HS6ST3: variants seen among roughly 807,000 people sequenced by gnomAD.
HS6ST3 encodes heparan sulfate 6-O-sulfotransferase 3.
Under a neutral mutation model 36.7 loss-of-function variants are expected in HS6ST3, and 12 were observed. The observed-to-expected ratio is 0.33, with a 90% confidence interval of 0.21 to 0.53. HS6ST3 has a LOEUF of 0.53. Among genes scored for constraint, HS6ST3 ranks in the 20% least tolerant of loss-of-function variants. The probability of loss-of-function intolerance (pLI) is 0.95; values close to 1 mark genes in which losing one functional copy is unlikely to be tolerated. For missense variants in HS6ST3, 584 were observed against 640.9 expected (o/e 0.91, Z 0.96); for synonymous variants, 240 against 257.5 (o/e 0.93, Z 0.65).
chr13:96,474,230 G>A (rs560485046), intron 1 of HS6ST3, among the ~76,000 whole-genome samples: 4 of 152,252 alleles, frequency 2.6e-5, no homozygotes, highest in South Asian at 4.2e-4. Context: ...TACTGAGAGT[G>A]ACAGTTTCTT....
At chr13:96,186,356 T>C (rs2054265146) in intron 1 of HS6ST3, among the ~76,000 whole-genome samples, 1 of 152,232 alleles carries the variant, frequency 6.6e-6, no homozygotes, top group Admixed American at 6.5e-5. Context: ...TCTCCTCTAC[T>C]GGCAGAAATT....
At chr13:96,526,225 G>C (rs201600785) in intron 1 of HS6ST3, among the ~76,000 whole-genome samples, 1 of 152,176 alleles carries the variant, frequency 6.6e-6, no homozygotes, top group South Asian at 2.1e-4. Flanking sequence ...GGGGACACAG[G>C]TCCCAATCAC....
chr13:96,363,505 A>G (rs2139436947), intron 1 of HS6ST3, among the ~76,000 whole-genome samples: 1 of 152,304 alleles, frequency 6.6e-6, no homozygotes, highest in South Asian at 2.1e-4. Context: ...CATAACAAAA[A>G]ACACTAATTT....
intron 1 of HS6ST3, among the ~76,000 whole-genome samples, chr13:96,805,288 A>C (rs975180112): frequency 3.9e-5 from 6 of 152,006 alleles, no homozygotes; most frequent in Non-Finnish European, 7.4e-5. Flanking sequence ...TTGCCACAAG[A>C]TCTGGTTGTT....
intron 1 of HS6ST3, among the ~76,000 whole-genome samples, chr13:96,686,238 CA>C (rs1260020547): frequency 2.0e-5 from 3 of 151,974 alleles, no homozygotes; most frequent in African/African-American, 7.2e-5. Context: ...GATGACCTTT[CA>C]AGCCAAGAAA....
intron 1 of HS6ST3, among the ~76,000 whole-genome samples, chr13:96,482,104 AT>A (rs2055892665): frequency 6.6e-6 from 1 of 152,196 alleles, no homozygotes; most frequent in African/African-American, 2.4e-5. Context: ...CTCCATGCTT[AT>A]CCTCAGGTAT....
chr13:96,500,539 G>C (rs539237310), intron 1 of HS6ST3, among the ~76,000 whole-genome samples: 8 of 152,230 alleles, frequency 5.3e-5, no homozygotes, highest in Admixed American at 2.0e-4. Flanking sequence ...AAGTTAGTAG[G>C]CTGTTGCAAT....
intron 1 of HS6ST3, among the ~76,000 whole-genome samples, chr13:96,805,729 G>C (rs1467012416): frequency 6.6e-6 from 1 of 152,186 alleles, no homozygotes; most frequent in Admixed American, 6.5e-5. Context: ...AAAGGAAATA[G>C]AATATGGAGC....
At chr13:96,620,745 A>G (rs1295439795) in intron 1 of HS6ST3, among the ~76,000 whole-genome samples, 1 of 151,990 alleles carries the variant, frequency 6.6e-6, no homozygotes, top group East Asian at 1.9e-4. Context: ...CTTGATTAAA[A>G]AGAAATCTAA....
chr13:96,451,809 A>T (rs1235064540), intron 1 of HS6ST3, among the ~76,000 whole-genome samples: 1 of 152,238 alleles, frequency 6.6e-6, no homozygotes, highest in Admixed American at 6.5e-5. Context: ...TTAAATGTAC[A>T]GAAAAGGAAA....
At chr13:96,624,445 T>G (rs1170336826) in intron 1 of HS6ST3, among the ~76,000 whole-genome samples, 1 of 152,226 alleles carries the variant, frequency 6.6e-6, no homozygotes, top group Non-Finnish European at 1.5e-5. Flanking sequence ...AACTCACATT[T>G]TTTTCAATTT....
Position 96,577,552 on chromosome 13 carries a change from T to A in HS6ST3, c.708-254938T>A, listed in dbSNP as rs184972253. On this transcript the variant is annotated intron_variant, in intron 1 of 1. Transcript: ENST00000376705. ...TATACCCAGTAATGGGATTGCTGGGTCAAATGGTATTTCTGGTTCCAGATT... is the reference window on the plus strand; with the variant it reads ...TATACCCAGTAATGGGATTGCTGGGACAAATGGTATTTCTGGTTCCAGATT... Among the ~76,000 whole-genome samples the A allele has an allele frequency of 3.4e-3, 516 of 152,268 alleles. 2 individuals are homozygous for A. The highest frequency in any genetic ancestry group is 6.4e-3 in the Non-Finnish European group (436 of 68,014).
intron 1 of HS6ST3, among the ~76,000 whole-genome samples, chr13:96,108,682 A>G (rs2139298863): frequency 6.6e-6 from 1 of 152,324 alleles, no homozygotes; most frequent in East Asian, 1.9e-4. Flanking sequence ...ATAGAAAAGA[A>G]CCCATGTTAA....
At chr13:96,176,742 C>A (rs1164890447) in intron 1 of HS6ST3, among the ~76,000 whole-genome samples, 1 of 152,032 alleles carries the variant, frequency 6.6e-6, no homozygotes, top group Non-Finnish European at 1.5e-5. Flanking sequence ...TGGAAAGAAG[C>A]AATTGCAACA....
rs1009158996 is a variant in HS6ST3 at position 96,532,259 on chromosome 13, A to G, written c.708-300231A>G. The stretch of plus-strand genomic sequence containing the variant: ...AAAAGAGAGAAACATTGTTTATTCC[A>G]TGTATACATTATTCTGTTTAATCCC... On this transcript the variant is annotated intron_variant, in intron 1 of 1. Coordinates refer to ENST00000376705, the MANE Select transcript of HS6ST3 (RefSeq NM_153456.4). 5.3e-5 allele frequency among the ~76,000 whole-genome samples: 8 copies of G among 152,262 alleles called. 1 individual carries two copies. Among genetic ancestry groups the G allele is most frequent in the Non-Finnish European group, 1.2e-4 (8 of 68,046 alleles).
chr13:96,133,726 T>C (rs1190846882), intron 1 of HS6ST3, among the ~76,000 whole-genome samples: 1 of 152,214 alleles, frequency 6.6e-6, no homozygotes, highest in African/African-American at 2.4e-5. Flanking sequence ...CCTGGCCCTG[T>C]GCAGAAGCTT....
At chr13:96,230,386 G>A (rs758148202) in intron 1 of HS6ST3, among the ~76,000 whole-genome samples, 1 of 152,126 alleles carries the variant, frequency 6.6e-6, no homozygotes, top group Non-Finnish European at 1.5e-5. Context: ...CAACCAGATA[G>A]GGATCACTGG....
intron 1 of HS6ST3, among the ~76,000 whole-genome samples, chr13:96,116,537 C>G (rs1162498997): frequency 6.6e-6 from 1 of 152,162 alleles, no homozygotes; most frequent in African/African-American, 2.4e-5. Context: ...TCTCCCATCC[C>G]CACTCCATTC....
chr13:96,698,096 C>T (rs548896849), intron 1 of HS6ST3, among the ~76,000 whole-genome samples: 26 of 152,002 alleles, frequency 1.7e-4, no homozygotes, highest in African/African-American at 6.0e-4. Context: ...GCACAACGTG[C>T]AGGTTTGTTA....
Sources: allele counts gnomAD v4.1 joint callset (sites outside exome capture counted in the v4.1 genomes callset), GRCh38; gene constraint gnomAD v4.1.1; transcripts MANE v1.5; gene names NCBI Gene and HGNC (gene_info 2026-07-23, HGNC 2026-07-21).